The following CPEB3 variants were observed in gnomAD, a reference collection of about 807,000 sequenced individuals.
CPEB3 encodes cytoplasmic polyadenylation element-binding protein 3.
In CPEB3, 20 loss-of-function variants were observed where a neutral mutation model predicts 67.2. The ratio of observed to expected loss-of-function variants is 0.30; its 90% CI spans 0.21 to 0.43. The LOEUF is 0.43. Among genes scored for constraint, CPEB3 ranks in the 20% least tolerant of loss-of-function variants. The pLI is 1.00. For missense variants in CPEB3, 746 were observed against 968.6 expected, an observed-to-expected ratio of 0.77 and a Z score of 3.05; for synonymous variants, 376 against 393.1, an observed-to-expected ratio of 0.96 and a Z score of 0.51.
intron 1 of CPEB3, among the ~76,000 whole-genome samples, chr10:92,241,919 C>T (rs1851867795): frequency 6.6e-6 from 1 of 152,122 alleles, no homozygotes; most frequent in African/African-American, 2.4e-5. Context: ...ACTTAATTAA[C>T]CCAGATACTT....
chr10:92,241,432 CTT>C, intron 1 of CPEB3, among the ~76,000 whole-genome samples: 1 of 152,300 alleles, frequency 6.6e-6, no homozygotes, highest in East Asian at 1.9e-4. Flanking sequence ...GGTCACAAGA[CTT>C]TGGCAAATTT....
At chr10:92,213,857 A>T (rs771855445) in intron 2 of CPEB3, among the ~76,000 whole-genome samples, 3 of 152,174 alleles carry the variant, frequency 2.0e-5, no homozygotes, top group Non-Finnish European at 4.4e-5. Context: ...TCCCCAGCAC[A>T]AAGTGAATTA....
At chr10:92,285,120 CT>C (rs1489722303) in intron 1 of CPEB3, among the ~76,000 whole-genome samples, 2 of 152,340 alleles carry the variant, frequency 1.3e-5, no homozygotes, top group Admixed American at 1.3e-4. Flanking sequence ...ACCAAACTCA[CT>C]TTTATAACAA....
chr10:92,190,928 CAACCT>C (rs1428690534), intron 3 of CPEB3, among the ~76,000 whole-genome samples: 1 of 152,090 alleles, frequency 6.6e-6, no homozygotes, highest in African/African-American at 2.4e-5. Flanking sequence ...AAACTGGAAA[CAACCT>C]AAGAGTCTAA....
At chr10:92,216,262 C>T (rs1850383293) in intron 2 of CPEB3, 2 of 1,346,716 alleles carry the variant, frequency 1.5e-6, no homozygotes, top group Non-Finnish European at 1.0e-6. Flanking sequence ...ATGGTGAAAC[C>T]CCATCTCTAC....
chr10:92,239,910 G>A lies in CPEB3; in HGVS notation c.441C>T (p.Phe147=). 6.2e-7 allele frequency: 1 copy of A among 1,612,940 alleles called. No individual in the cohort carries two copies. Among genetic ancestry groups the A allele is most frequent in the East Asian group, 2.2e-5 (1 of 44,812 alleles). The part of the protein sequence containing the change: ...QNFPHHVNPV[F]GGTFSPQIGL... ...CGATCTGCGGGGAGAAAGTGCCTCC[G>A]AAGACTGGGTTGACATGGTGCGGGA... The change falls in exon 2 of 10, where the codon TTC becomes TTT. Residue 147 remains phenylalanine, a synonymous_variant. Transcript: ENST00000265997. The surrounding 1 kb of genome is among the most constrained non-coding windows in gnomAD (Gnocchi z 6.0).
intron 7 of CPEB3, among the ~76,000 whole-genome samples, chr10:92,096,513 A>G (rs1353734347): frequency 6.6e-6 from 1 of 152,170 alleles, no homozygotes; most frequent in Non-Finnish European, 1.5e-5. Flanking sequence ...TAGGGGCAGT[A>G]AAAGCCTCAG....
At chr10:92,193,995 A>T (rs894674554) in intron 2 of CPEB3, among the ~76,000 whole-genome samples, 1 of 151,534 alleles carries the variant, frequency 6.6e-6, no homozygotes, top group Admixed American at 6.6e-5. Context: ...ATGGGGTTTC[A>T]CCGTGTTAGA....
chr10:92,223,708 G>A (rs931844658), intron 2 of CPEB3, among the ~76,000 whole-genome samples: 2 of 150,360 alleles, frequency 1.3e-5, no homozygotes, highest in Non-Finnish European at 3.0e-5. Context: ...CAAGCAGCTG[G>A]GATTACAGGC....
chr10:92,286,071 G>A (rs1018593273), intron 1 of CPEB3, among the ~76,000 whole-genome samples: 2 of 151,762 alleles, frequency 1.3e-5, no homozygotes, highest in Non-Finnish European at 2.9e-5. Flanking sequence ...GAGTAGCTGG[G>A]ACTACAGGCG....
Position 92,279,331 on chromosome 10 carries a change from T to C in CPEB3, c.-12+11595A>G, listed in dbSNP as rs113821175. ...CCCAAAATGTTTAATACTTGCTTTCTGACACGTTCCCAAAATGTTGCTTGA... is the reference window on the plus strand; with the variant it reads ...CCCAAAATGTTTAATACTTGCTTTCCGACACGTTCCCAAAATGTTGCTTGA... On this transcript the variant is annotated intron_variant, in intron 1 of 9. Coordinates refer to ENST00000265997, the MANE Select transcript of CPEB3 (RefSeq NM_014912.5). Among the ~76,000 whole-genome samples the C allele has an allele frequency of 5.9e-3, 903 of 152,360 alleles. 6 individuals are homozygous for C. Among genetic ancestry groups the C allele is most frequent in the Non-Finnish European group, 8.5e-3 (575 of 68,038 alleles).
intron 8 of CPEB3, among the ~76,000 whole-genome samples, chr10:92,084,876 G>C (rs1405267201): frequency 6.6e-6 from 1 of 152,092 alleles, no homozygotes; most frequent in East Asian, 1.9e-4. Flanking sequence ...ACCGTGCCCG[G>C]CCTCATCTGT....
intron 8 of CPEB3, among the ~76,000 whole-genome samples, chr10:92,088,145 C>A (rs1039564572): frequency 6.6e-6 from 1 of 151,788 alleles, no homozygotes; most frequent in African/African-American, 2.4e-5. Context: ...GTAAGCTCAT[C>A]TAAATTTTCC....
intron 2 of CPEB3, among the ~76,000 whole-genome samples, chr10:92,211,732 C>T (rs568276173): frequency 2.0e-4 from 30 of 150,656 alleles, no homozygotes; most frequent in African/African-American, 6.1e-4. Context: ...TAGTAGAGAC[C>T]GGGTTTCACT....
chr10:92,215,311 C>T (rs1048199193), intron 2 of CPEB3, among the ~76,000 whole-genome samples: 6 of 151,560 alleles, frequency 4.0e-5, no homozygotes, highest in Middle Eastern at 3.4e-3. Flanking sequence ...CACCACTACA[C>T]CCAGCTAATT....
intron 2 of CPEB3, among the ~76,000 whole-genome samples, chr10:92,238,167 C>T (rs1851631704): frequency 6.6e-6 from 1 of 152,180 alleles, no homozygotes; most frequent in African/African-American, 2.4e-5. Flanking sequence ...TTGTTGGAGG[C>T]CTTCCCCTCT....
intron 6 of CPEB3, chr10:92,119,164 A>G: frequency 6.3e-7 from 1 of 1,582,672 alleles, no homozygotes; most frequent in Non-Finnish European, 8.7e-7. Flanking sequence ...CAGCCATATG[A>G]AGAACGGAGG....
chr10:92,139,717 A>T lies in CPEB3; in HGVS notation c.1453+3312T>A, dbSNP rs573131791. 1.8e-3 allele frequency among the ~76,000 whole-genome samples: 274 copies of T among 152,310 alleles called. 1 individual carries two copies. Among genetic ancestry groups the T allele is most frequent in the African/African-American group, 6.4e-3 (266 of 41,568 alleles). Reference sequence around the variant, plus strand: ...AATGTTTATAACACAAAGAAATGATAAATGCTTGAGGTGATGAATACCCCA... The same window carrying T: ...AATGTTTATAACACAAAGAAATGATTAATGCTTGAGGTGATGAATACCCCA... On this transcript the variant is annotated intron_variant, in intron 6 of 9. Transcript: ENST00000265997.
chr10:92,264,847 T>G (rs1191566715), intron 1 of CPEB3, among the ~76,000 whole-genome samples: 1 of 151,094 alleles, frequency 6.6e-6, no homozygotes. Flanking sequence ...TGAGACCAGG[T>G]TGCACAACAT....
Sources: gnomAD v4.1 joint callset for allele counts (sites outside exome capture counted in the v4.1 genomes callset) on GRCh38, gnomAD v4.1.1 for gene constraint, Gnocchi (gnomAD v3.1) non-coding constraint, MANE v1.5 for transcripts, NCBI Gene and HGNC (gene_info 2026-07-23, HGNC 2026-07-21) for gene names.